The following ROR1 variants were observed in gnomAD, a reference collection of about 807,000 sequenced individuals.
The protein encoded by ROR1 is ROR family WNT receptor 1, also known as inactive tyrosine-protein kinase transmembrane receptor ROR1.
ROR1 carries 19 observed loss-of-function variants against 78.8 expected under a neutral mutation model. The ratio of observed to expected loss-of-function variants is 0.24; its 90% CI spans 0.17 to 0.35. ROR1 has a LOEUF of 0.35. Among genes scored for constraint, ROR1 ranks in the 10% least tolerant of loss-of-function variants. The pLI is 1.00. For synonymous variants in ROR1, 386 were observed against 433.6 expected (o/e 0.89, Z 1.36); for missense variants, 917 against 1,177.8 (o/e 0.78, Z 3.24).
intron 1 of ROR1, among the ~76,000 whole-genome samples, chr1:63,859,811 T>C (rs1294436917): frequency 6.6e-6 from 1 of 152,222 alleles, no homozygotes; most frequent in African/African-American, 2.4e-5. Context: ...TGTTGTGGAC[T>C]AGCTCTGAGC....
chr1:63,785,263 G>A (rs74952380), intron 1 of ROR1, among the ~76,000 whole-genome samples: 1,765 of 152,256 alleles, frequency 0.012, 37 homozygotes, highest in African/African-American at 0.039. Flanking sequence ...CCCCTGGAGA[G>A]TATTGGCTGT....
At chr1:64,082,180 A>G (rs1378381181) in intron 4 of ROR1, among the ~76,000 whole-genome samples, 2 of 152,168 alleles carry the variant, frequency 1.3e-5, no homozygotes, top group Non-Finnish European at 1.5e-5. Context: ...GGAAATACTG[A>G]CATTTAGGGA....
At chr1:63,842,619 G>A (rs749444777) in intron 1 of ROR1, among the ~76,000 whole-genome samples, 9 of 151,738 alleles carry the variant, frequency 5.9e-5, no homozygotes, top group Admixed American at 2.0e-4. Flanking sequence ...GTGCAGAAAC[G>A]GAAGGGACTC....
intron 1 of ROR1, among the ~76,000 whole-genome samples, chr1:63,931,936 AG>A (rs1336089162): frequency 6.6e-6 from 1 of 152,160 alleles, no homozygotes; most frequent in African/African-American, 2.4e-5. Context: ...TTGTATATAT[AG>A]GGTTCTGTAC....
At chr1:63,782,864 C>T (rs1644661096) in intron 1 of ROR1, among the ~76,000 whole-genome samples, 3 of 152,060 alleles carry the variant, frequency 2.0e-5, no homozygotes, top group Admixed American at 2.0e-4. Flanking sequence ...CTTTATACAG[C>T]CAGTGAGTAC....
At chr1:64,041,259 G>A (rs1646743828) in intron 2 of ROR1, among the ~76,000 whole-genome samples, 2 of 152,088 alleles carry the variant, frequency 1.3e-5, no homozygotes, top group African/African-American at 4.8e-5. Context: ...TAGAATCAGT[G>A]CCTAATATAT....
intron 4 of ROR1, among the ~76,000 whole-genome samples, chr1:64,122,800 A>G (rs539001758): frequency 6.2e-4 from 95 of 152,260 alleles, no homozygotes; most frequent in African/African-American, 2.0e-3. Flanking sequence ...TTGCGACATC[A>G]TTTTAGTTCT....
chr1:63,890,868 G>A (rs1160715497), intron 1 of ROR1, among the ~76,000 whole-genome samples: 11 of 152,008 alleles, frequency 7.2e-5, no homozygotes, highest in African/African-American at 2.7e-4. Context: ...TGTTGTCTAC[G>A]GCCATACCAC....
At chr1:64,147,908 GGGT>G (rs1343416934) in intron 7 of ROR1, among the ~76,000 whole-genome samples, 1 of 152,106 alleles carries the variant, frequency 6.6e-6, no homozygotes, top group African/African-American at 2.4e-5. Flanking sequence ...CAAGTGGGTG[GGGT>G]TGGGGGATGC....
intron 1 of ROR1, among the ~76,000 whole-genome samples, chr1:63,963,987 T>A (rs1017649653): frequency 2.0e-5 from 3 of 152,248 alleles, no homozygotes; most frequent in Non-Finnish European, 4.4e-5. Context: ...CACTTCCATT[T>A]ATACTACTTA....
chr1:64,175,791 A>G (rs564277176), intron 8 of ROR1, among the ~76,000 whole-genome samples: 1 of 152,352 alleles, frequency 6.6e-6, no homozygotes, highest in Non-Finnish European at 1.5e-5. Flanking sequence ...GAACAAATCT[A>G]ATCATCATGA....
intron 4 of ROR1, among the ~76,000 whole-genome samples, chr1:64,055,503 A>G (rs1646866636): frequency 6.6e-6 from 1 of 152,242 alleles, no homozygotes; most frequent in Non-Finnish European, 1.5e-5. Flanking sequence ...AGGGCAAGAC[A>G]TGTAGAGAAA....
intron 1 of ROR1, among the ~76,000 whole-genome samples, chr1:63,805,188 C>T (rs1644820944): frequency 6.6e-6 from 1 of 152,182 alleles, no homozygotes; most frequent in South Asian, 2.1e-4. Flanking sequence ...TTGCCACCCA[C>T]CTGCAGACAC....
chr1:64,150,036 T>C (rs1007443405), intron 7 of ROR1, among the ~76,000 whole-genome samples: 2 of 152,200 alleles, frequency 1.3e-5, no homozygotes, highest in African/African-American at 4.8e-5. Flanking sequence ...TTGATTTGTA[T>C]GGGAAGGCAG....
At chr1:64,162,679 G>A (rs1360973927) in intron 8 of ROR1, among the ~76,000 whole-genome samples, 1 of 152,212 alleles carries the variant, frequency 6.6e-6, no homozygotes, top group African/African-American at 2.4e-5. Context: ...ATTTTGTTTA[G>A]CCAAAGATTT....
chr1:64,129,113 G>A (rs1371544748), intron 4 of ROR1, among the ~76,000 whole-genome samples: 3 of 152,096 alleles, frequency 2.0e-5, no homozygotes, highest in Admixed American at 6.6e-5. Context: ...TGCTTTTTAC[G>A]GAGGCCAGTA....
intron 1 of ROR1, among the ~76,000 whole-genome samples, chr1:63,808,202 T>A (rs994841153): frequency 6.6e-6 from 1 of 152,166 alleles, no homozygotes; most frequent in African/African-American, 2.4e-5. Context: ...GAGGTGATAA[T>A]TGTAACTTCC....
Position 63,877,016 on chromosome 1 carries a change from A to G in ROR1, c.91+102508A>G, listed in dbSNP as rs142384483. 3.7e-3 allele frequency among the ~76,000 whole-genome samples: 562 copies of G among 152,238 alleles called. 1 individual carries two copies. Among genetic ancestry groups the G allele is most frequent in the African/African-American group, 0.013 (537 of 41,536 alleles). ...GTGCATTGTTTTTCCTTTCTTGGAA[A>G]GGAAAAACTTTCTTAGAAAACGAGG... On this transcript the variant is annotated intron_variant, in intron 1 of 8. Coordinates refer to ENST00000371079, the MANE Select transcript of ROR1 (RefSeq NM_005012.4).
At chr1:63,915,278 G>T (rs1050708705) in intron 1 of ROR1, among the ~76,000 whole-genome samples, 2 of 152,276 alleles carry the variant, frequency 1.3e-5, no homozygotes, top group South Asian at 4.2e-4. Context: ...CCTGGTCTTT[G>T]CTGTTAAAGC....
Sources: allele counts gnomAD v4.1 joint callset (sites outside exome capture counted in the v4.1 genomes callset), GRCh38; gene constraint gnomAD v4.1.1; transcripts MANE v1.5; gene names NCBI Gene and HGNC (gene_info 2026-07-23, HGNC 2026-07-21).